The following ANKH variants were observed in gnomAD, a reference collection of about 807,000 sequenced individuals.
ANKH encodes ANKH inorganic pyrophosphate transport regulator.
Under a neutral mutation model 49.0 loss-of-function variants are expected in ANKH, and 15 were observed. The ratio of observed to expected loss-of-function variants is 0.31; its 90% CI spans 0.20 to 0.47. The LOEUF is 0.47. Ranked by LOEUF, ANKH falls within the 20% of genes least tolerant of loss-of-function variation. ANKH has a pLI of 1.00. For missense variants in ANKH, 429 were observed against 652.0 expected (o/e 0.66, Z 3.72); for synonymous variants, 273 against 260.0 (o/e 1.05, Z -0.48).
At chr5:14,720,495 A>T (rs963110590) in intron 8 of ANKH, among the ~76,000 whole-genome samples, 4 of 152,180 alleles carry the variant, frequency 2.6e-5, no homozygotes, top group African/African-American at 9.7e-5. Context: ...GAGTTGGAAC[A>T]CTATTTCCCT....
At chr5:14,757,183 GA>G (rs1331599717) in intron 3 of ANKH, among the ~76,000 whole-genome samples, 1 of 152,116 alleles carries the variant, frequency 6.6e-6, no homozygotes, top group Non-Finnish European at 1.5e-5. Context: ...AGGGATGTCA[GA>G]AAGGCCACCT....
At chr5:14,723,613 TGA>T (rs1214159372) in intron 8 of ANKH, among the ~76,000 whole-genome samples, 3 of 152,126 alleles carry the variant, frequency 2.0e-5, no homozygotes, top group Non-Finnish European at 2.9e-5. Context: ...TACTCCAGCC[TGA>T]GTGACAAGAT....
At chr5:14,771,171 A>T (rs1739418526) in intron 1 of ANKH, among the ~76,000 whole-genome samples, 1 of 152,238 alleles carries the variant, frequency 6.6e-6, no homozygotes, top group Admixed American at 6.5e-5. Context: ...AATACAACAA[A>T]AGATTCAAGA....
intron 2 of ANKH, among the ~76,000 whole-genome samples, chr5:14,767,902 C>A (rs1243304318): frequency 6.6e-6 from 1 of 152,156 alleles, no homozygotes; most frequent in African/African-American, 2.4e-5. Context: ...GCCTTCAGGG[C>A]ATAAACTGAG....
At chr5:14,728,733 C>G (rs756734522) in intron 8 of ANKH, among the ~76,000 whole-genome samples, 1 of 152,154 alleles carries the variant, frequency 6.6e-6, no homozygotes, top group African/African-American at 2.4e-5. Context: ...TAACATGGAA[C>G]GCAGGGCCAG....
At chr5:14,842,338 C>T (rs1741837281) in intron 1 of ANKH, among the ~76,000 whole-genome samples, 1 of 152,188 alleles carries the variant, frequency 6.6e-6, no homozygotes, top group African/African-American at 2.4e-5. Flanking sequence ...AAAGGCTCAG[C>T]TCACTGGCAT....
In ANKH at chr5:14,867,701, A is replaced by G. The variant is rs374917607; in HGVS notation, c.96+3651T>C. Among the ~76,000 whole-genome samples the G allele has an allele frequency of 1.7e-4, 26 of 152,252 alleles. 1 individual carries two copies. The East Asian group carries it at 2.9e-3, about 17-fold the overall frequency. Reference sequence around the variant, plus strand: ...CAGCCTCCCGAGTAGCTGGGACTACAGGCACCCGCCACCGCGCCTGGCTAA... The same window carrying G: ...CAGCCTCCCGAGTAGCTGGGACTACGGGCACCCGCCACCGCGCCTGGCTAA... On this transcript the variant is annotated intron_variant, in intron 1 of 11. Coordinates refer to ENST00000284268, the MANE Select transcript of ANKH (RefSeq NM_054027.6).
chr5:14,843,310 G>T (rs977319453), intron 1 of ANKH, among the ~76,000 whole-genome samples: 3 of 151,668 alleles, frequency 2.0e-5, no homozygotes, highest in African/African-American at 7.3e-5. Context: ...TGAGTAGCTG[G>T]GACTACAGGC....
At position 14,745,762 on chromosome 5, in the gene ANKH, A is replaced by G; in HGVS notation, c.915+108T>C. 1.0e-6 allele frequency: 1 copy of G among 958,150 alleles called. No homozygotes were observed. Among genetic ancestry groups the G allele is most frequent in the South Asian group, 1.4e-5 (1 of 73,970 alleles). The allele number at this position is 958,150 out of a possible 1,614,324, so 59.4% of individuals were successfully genotyped here. On this transcript the variant is annotated intron_variant, in intron 7 of 11. Transcript: ENST00000284268. The surrounding 1 kb of genome is among the most constrained non-coding windows in gnomAD (Gnocchi z 4.7). ...CCCCAACGTCACATTAACCTTACAA[A>G]GGGAAGCAGGACTGAGAAGCAACAA...
At chr5:14,809,335 T>TAAAAAAAAAAA (rs36119317) in intron 1 of ANKH, among the ~76,000 whole-genome samples, 146 of 80,640 alleles carry the variant, frequency 1.8e-3, no homozygotes, top group Non-Finnish European at 2.0e-3. Flanking sequence ...TAGAGTATAA[T>TAAAAAAAAAAA]AAAAAAAAAA....
chr5:14,736,847 T>C (rs971184777), intron 8 of ANKH, among the ~76,000 whole-genome samples: 5 of 152,198 alleles, frequency 3.3e-5, no homozygotes, highest in African/African-American at 1.2e-4. Context: ...TGTGTGCTAA[T>C]GGTTTGGGGA....
At chr5:14,801,320 A>G (rs1740560960) in intron 1 of ANKH, among the ~76,000 whole-genome samples, 1 of 152,102 alleles carries the variant, frequency 6.6e-6, no homozygotes, top group South Asian at 2.1e-4. Context: ...ACTGCTTCCA[A>G]TCCTTTCCCA....
intron 8 of ANKH, among the ~76,000 whole-genome samples, chr5:14,726,815 C>T (rs1737837214): frequency 6.6e-6 from 1 of 152,220 alleles, no homozygotes; most frequent in Non-Finnish European, 1.5e-5. Context: ...CAAATGACTC[C>T]CATTTCTGGG....
rs562570791 is a variant in ANKH at position 14,865,216 on chromosome 5, C to T, written c.96+6136G>A. On this transcript the variant is annotated intron_variant, in intron 1 of 11. Coordinates refer to ENST00000284268, the MANE Select transcript of ANKH (RefSeq NM_054027.6). Reference sequence around the variant, plus strand: ...CGGAGGTTGTGGTGAGCTGAGATCACACCATTGCACTCCAGCCTGGGCAAC... The same window carrying T: ...CGGAGGTTGTGGTGAGCTGAGATCATACCATTGCACTCCAGCCTGGGCAAC... Among the ~76,000 whole-genome samples the T allele has an allele frequency of 2.6e-5, 4 of 152,192 alleles. No individual in the cohort carries two copies. The South Asian group carries it at 8.3e-4, about 32-fold the overall frequency.
Position 14,713,079 on chromosome 5 carries a change from C to A in ANKH, c.1266-106G>T, listed in dbSNP as rs913729164. ...AAGTGTAGCCTCGAGACGGCTGAGA[C>A]CAGCGGCGTTCTCCATCTGCTGGCT... On this transcript the variant is annotated intron_variant, in intron 10 of 11. Coordinates refer to ENST00000284268, the MANE Select transcript of ANKH (RefSeq NM_054027.6). The surrounding 1 kb of genome is among the most constrained non-coding windows in gnomAD (Gnocchi z 4.4). The A allele has an allele frequency of 5.4e-6, 6 of 1,106,486 alleles. No homozygotes were observed. Among genetic ancestry groups the A allele is most frequent in the Middle Eastern group, 1.9e-4 (1 of 5,186 alleles). 68.5% of individuals were successfully genotyped at this position (1,106,486 alleles called of 1,614,324 possible).
chr5:14,758,689 TGTA>T, intron 2 of ANKH, 91 bp from the exon 3 acceptor site: 1 of 993,170 alleles, frequency 1.0e-6, no homozygotes. Flanking sequence ...CAATTTTAAA[TGTA>T]GTATTTGTTC....
At chr5:14,754,397 C>T (rs911381776) in intron 4 of ANKH, among the ~76,000 whole-genome samples, 16 of 151,198 alleles carry the variant, frequency 1.1e-4, no homozygotes, top group Admixed American at 9.9e-4. Context: ...CAAATGCTCA[C>T]CGACTTGCTG....
chr5:14,871,578 GCGCGGCGGCGGCGGCTCCTCCT>G lies in ANKH; in HGVS notation c.-153_-132del, dbSNP rs1169746161. The G allele has an allele frequency of 5.6e-6, 2 of 359,646 alleles. No individual in the cohort carries two copies. Among genetic ancestry groups the G allele is most frequent in the Non-Finnish European group, 8.1e-6 (2 of 248,094 alleles). The allele number at this position is 359,646 out of a possible 1,614,324, so 22.3% of individuals were successfully genotyped here. ...GAGGCCGCGGGCGGCGGGGCCTCGGGCGCGGCGGCGGCGGCTCCTCCTCGCGGCTGCGGCGCCTTCTCCGAGC... is the reference window on the plus strand; with the variant it reads ...GAGGCCGCGGGCGGCGGGGCCTCGGGCGCGGCTGCGGCGCCTTCTCCGAGC... On this transcript the variant is annotated 5_prime_UTR_variant, in exon 1 of 12. Coordinates refer to ENST00000284268, the MANE Select transcript of ANKH (RefSeq NM_054027.6).
chr5:14,829,919 A>T (rs1383417683), intron 1 of ANKH, among the ~76,000 whole-genome samples: 1 of 152,244 alleles, frequency 6.6e-6, no homozygotes, highest in Non-Finnish European at 1.5e-5. Flanking sequence ...CAATATTAGC[A>T]AATTAACCAT....
Sources: allele counts gnomAD v4.1 joint callset (sites outside exome capture counted in the v4.1 genomes callset), GRCh38; gene constraint gnomAD v4.1.1; non-coding constraint Gnocchi (gnomAD v3.1); transcripts MANE v1.5; gene names NCBI Gene and HGNC (gene_info 2026-07-23, HGNC 2026-07-21).